Variants in CNOT4 observed in about 807,000 individuals in gnomAD.
CNOT4 encodes CCR4-NOT transcription complex subunit 4.
A neutral mutation model predicts 73.8 loss-of-function variants in CNOT4; 8 were observed. The observed-to-expected ratio is 0.11, with a 90% CI of 0.06 to 0.20. The LOEUF is 0.20. Ranked by LOEUF, CNOT4 falls within the 10% of genes least tolerant of loss-of-function variation. The pLI is 1.00. For missense variants in CNOT4, 564 were observed against 883.4 expected (o/e 0.64, Z 4.58); for synonymous variants, 293 against 321.1 (o/e 0.91, Z 0.94).
In CNOT4 at chr7:135,362,854, C is replaced by T. The variant is rs761039619; in HGVS notation, c.*31G>A. ...AGGGAGAAAACAGAGTGGGACAAAT[C>T]CTGCATTTTCTAATGGTTGCTCCTC... On this transcript the variant is annotated 3_prime_UTR_variant, in exon 12 of 12. Transcript: ENST00000541284. 3.8e-6 allele frequency: 6 copies of T among 1,588,796 alleles called. No individual in the cohort carries two copies. The highest frequency in any genetic ancestry group is 5.2e-6 in the Non-Finnish European group (6 of 1,157,152).
At chr7:135,419,581 C>G (rs1169166256) in intron 3 of CNOT4, among the ~76,000 whole-genome samples, 1 of 151,854 alleles carries the variant, frequency 6.6e-6, no homozygotes, top group Non-Finnish European at 1.5e-5. Context: ...GTCCTCTCAC[C>G]AAGAAAGAAT....
In CNOT4 at chr7:135,364,098, T is replaced by C; in HGVS notation, c.1628-32A>G. 1.4e-6 allele frequency: 2 copies of C among 1,409,126 alleles called. No individual in the cohort carries two copies. The highest frequency in any genetic ancestry group is 9.7e-7 in the Non-Finnish European group (1 of 1,032,406). 87.3% of individuals were successfully genotyped at this position (1,409,126 alleles called of 1,614,324 possible). A position where few individuals can be genotyped will look rare whatever the true frequency, so the allele number is the denominator to read the frequency against. On this transcript the variant is annotated intron_variant, in intron 10 of 11. Transcript: ENST00000541284. The surrounding 1 kb of genome is among the most constrained non-coding windows in gnomAD (Gnocchi z 4.3). ...GATTTACCAACAAAAAAATGAAAGA[T>C]AAAAAAAAATAAAAAGCTACGTTAG...
intron 1 of CNOT4, among the ~76,000 whole-genome samples, chr7:135,479,687 C>T (rs1327873907): frequency 6.6e-6 from 1 of 151,854 alleles, no homozygotes; most frequent in East Asian, 1.9e-4. Flanking sequence ...GGCTTGAGTT[C>T]AGGAGTTTGA....
At chr7:135,436,441 C>T (rs1240777209) in intron 2 of CNOT4, among the ~76,000 whole-genome samples, 1 of 151,760 alleles carries the variant, frequency 6.6e-6, no homozygotes, top group Non-Finnish European at 1.5e-5. Flanking sequence ...AAAGTCATTA[C>T]TTCTGATGAA....
At chr7:135,369,704 AG>A (rs1264758625) in intron 10 of CNOT4, among the ~76,000 whole-genome samples, 5 of 152,220 alleles carry the variant, frequency 3.3e-5, no homozygotes, top group Admixed American at 6.5e-5. Context: ...CATTTTTAGA[AG>A]GACATAGGGA....
chr7:135,429,370 G>A (rs754400677), intron 2 of CNOT4, among the ~76,000 whole-genome samples: 2 of 152,076 alleles, frequency 1.3e-5, no homozygotes, highest in Non-Finnish European at 2.9e-5. Flanking sequence ...AAAAAGAGCA[G>A]TCCCCCATTT....
intron 1 of CNOT4, among the ~76,000 whole-genome samples, chr7:135,496,499 C>A (rs1352221566): frequency 6.6e-6 from 1 of 152,158 alleles, no homozygotes; most frequent in East Asian, 1.9e-4. Flanking sequence ...ACCCTCACAC[C>A]ACCAAGCCAA....
intron 2 of CNOT4, among the ~76,000 whole-genome samples, chr7:135,434,550 T>C (rs1162024189): frequency 6.6e-6 from 1 of 152,220 alleles, no homozygotes; most frequent in Non-Finnish European, 1.5e-5. Flanking sequence ...GGATTTCTTT[T>C]TTCTGTAACT....
rs951684499 is a variant in CNOT4, at chr7:135,394,052, T to G, written c.1493A>C (p.Tyr498Ser). The G allele has an allele frequency of 4.3e-6, 7 of 1,614,162 alleles. No homozygotes were observed. Among genetic ancestry groups the G allele is most frequent in the Non-Finnish European group, 5.9e-6 (7 of 1,180,026 alleles). Reference sequence around the variant, plus strand: ...ATTGCGTGGAAAGGCCATCCAAGGATAGCGGGCTGCCTGGCCTGGAAAACT... The same window carrying G: ...ATTGCGTGGAAAGGCCATCCAAGGAGAGCGGGCTGCCTGGCCTGGAAAACT... Reference protein sequence around the residue: ...SFSFPGQAARYPWMAFPRNSI... With the variant: ...SFSFPGQAARSPWMAFPRNSI... The change falls in exon 10 of 12, where the codon TAT (tyrosine) becomes TCT (serine). Residue 498 changes from tyrosine to serine, a missense_variant. This residue lies in a region of CNOT4 where 153 missense variants were observed against 158.7 expected (regional missense o/e 0.96). Transcript: ENST00000541284.
intron 1 of CNOT4, among the ~76,000 whole-genome samples, chr7:135,499,275 T>C (rs1177685786): frequency 6.6e-6 from 1 of 152,080 alleles, no homozygotes; most frequent in Non-Finnish European, 1.5e-5. Flanking sequence ...CTCCAACTAG[T>C]AATGACAGCC....
chr7:135,440,949 T>C (rs1188323858), intron 1 of CNOT4, among the ~76,000 whole-genome samples: 1 of 151,694 alleles, frequency 6.6e-6, no homozygotes, highest in African/African-American at 2.4e-5. Context: ...GCAAACAGTA[T>C]ACTGTCCATC....
intron 3 of CNOT4, among the ~76,000 whole-genome samples, chr7:135,419,436 A>C (rs1251110209): frequency 6.6e-6 from 1 of 152,200 alleles, no homozygotes; most frequent in Non-Finnish European, 1.5e-5. Flanking sequence ...ATAAAGACAA[A>C]TTAAGAGAAT....
At position 135,369,655 on chromosome 7, in the gene CNOT4, T is replaced by C. The variant is rs558264433; in HGVS notation, c.1628-5589A>G. Among the ~76,000 whole-genome samples the C allele has an allele frequency of 5.9e-5, 9 of 152,354 alleles. No individual in the cohort carries two copies. In the East Asian group the frequency reaches 1.5e-3, roughly 26 times the overall value. On this transcript the variant is annotated intron_variant, in intron 10 of 11. Coordinates refer to ENST00000541284, the MANE Select transcript of CNOT4 (RefSeq NM_001190850.2). ...CACATCAGAAACCTGGTTCCTACTA[T>C]GATTAACTCTTTGCCATTTAGACTT...
intron 1 of CNOT4, among the ~76,000 whole-genome samples, chr7:135,484,687 G>A (rs1367557985): frequency 1.3e-5 from 2 of 151,526 alleles, no homozygotes; most frequent in African/African-American, 4.9e-5. Context: ...CCCAGGAAGC[G>A]GAGGTTGCAG....
chr7:135,393,485 T>C (rs1796505046), intron 10 of CNOT4, among the ~76,000 whole-genome samples: 1 of 152,190 alleles, frequency 6.6e-6, no homozygotes, highest in South Asian at 2.1e-4. Flanking sequence ...CTGCCAAAAG[T>C]AGGTAGAGAG....
intron 1 of CNOT4, among the ~76,000 whole-genome samples, chr7:135,487,485 C>A (rs1439886198): frequency 6.6e-6 from 1 of 151,978 alleles, no homozygotes; most frequent in Non-Finnish European, 1.5e-5. Flanking sequence ...AGTGATCCTC[C>A]CACCTTGGCC....
intron 1 of CNOT4, among the ~76,000 whole-genome samples, chr7:135,467,359 T>C (rs1026416123): frequency 1.1e-4 from 17 of 152,178 alleles, no homozygotes; most frequent in African/African-American, 2.9e-4. Context: ...TGCCACTACT[T>C]TCCCCACCAT....
chr7:135,427,411 T>C (rs1798567846), intron 2 of CNOT4, among the ~76,000 whole-genome samples: 1 of 152,200 alleles, frequency 6.6e-6, no homozygotes. Context: ...TTTCTTTTTC[T>C]GATCCCTTCC....
At position 135,395,713 on chromosome 7, in the gene CNOT4, C is replaced by G. The variant is rs1162041007; in HGVS notation, c.1050G>C (p.Gly350=). ...GTGGGGAGCTGGGGAAAGGAGGAAG[C>G]CCACTTGGGATAGGGTTGGGATGGC... ...NFRHPNPIPS[G]LPPFPSSPQT... The change falls in exon 9 of 12, where the codon GGG becomes GGC. Residue 350 remains glycine, a synonymous_variant. Transcript: ENST00000541284. 6.2e-7 allele frequency: 1 copy of G among 1,613,850 alleles called. No individual in the cohort carries two copies. The highest frequency in any genetic ancestry group is 8.5e-7 in the Non-Finnish European group (1 of 1,179,930).
Sources: gnomAD v4.1 joint callset for allele counts (sites outside exome capture counted in the v4.1 genomes callset) on GRCh38, gnomAD v4.1.1 for gene constraint, gnomAD v4.1.1 regional missense constraint, Gnocchi (gnomAD v3.1) non-coding constraint, MANE v1.5 for transcripts, NCBI Gene and HGNC (gene_info 2026-07-23, HGNC 2026-07-21) for gene names.